NDFIP1: variants seen among roughly 807,000 people sequenced by gnomAD.
NDFIP1 encodes the protein Nedd4 family interacting protein 1.
A neutral mutation model predicts 28.8 loss-of-function variants in NDFIP1; 7 were observed. The observed-to-expected ratio is 0.24, with a 90% CI of 0.14 to 0.46. The LOEUF is 0.46. Ranked by LOEUF, NDFIP1 falls within the 20% of genes least tolerant of loss-of-function variation. NDFIP1 has a pLI of 0.99. For missense variants in NDFIP1, 194 were observed against 269.1 expected (o/e 0.72, Z 1.95); for synonymous variants, 92 against 101.0 (o/e 0.91, Z 0.53).
Position 142,152,347 on chromosome 5 carries a change from C to T in NDFIP1, c.*619C>T, listed in dbSNP as rs1757455346. The T allele has an allele frequency of 2.0e-5, 3 of 152,284 alleles. No homozygotes were observed. Among genetic ancestry groups the T allele is most frequent in the Admixed American group, 6.5e-5 (1 of 15,268 alleles). The allele number at this position is 152,284 out of a possible 1,614,324, so 9.4% of individuals were successfully genotyped here. A position where few individuals can be genotyped will look rare whatever the true frequency, so the allele number is the denominator to read the frequency against. On this transcript the variant is annotated 3_prime_UTR_variant, in exon 8 of 8. Coordinates refer to ENST00000253814, the MANE Select transcript of NDFIP1 (RefSeq NM_030571.4). ...GCATTAATTTTTTATAGCCTGTATT[C>T]ACAATTCTGCGGTACCTTATTGTAC...
intron 1 of NDFIP1, among the ~76,000 whole-genome samples, chr5:142,116,150 T>C (rs10875596): frequency 0.67 from 102,272 of 151,948 alleles, 34,753 homozygotes; most frequent in African/African-American, 0.77. Context: ...CAAGTGTAAC[T>C]TGATATCACT....
At chr5:142,118,469 G>A (rs899549409) in intron 1 of NDFIP1, among the ~76,000 whole-genome samples, 1 of 152,170 alleles carries the variant, frequency 6.6e-6, no homozygotes, top group Non-Finnish European at 1.5e-5. Context: ...AAGACCACAG[G>A]TAAAGTGCTG....
chr5:142,125,125 A>G (rs1757158277), intron 1 of NDFIP1, among the ~76,000 whole-genome samples: 1 of 151,852 alleles, frequency 6.6e-6, no homozygotes, highest in Non-Finnish European at 1.5e-5. Context: ...CTTGTACTGT[A>G]ATGTTTTTAA....
chr5:142,113,418 A>G (rs1757035240), intron 1 of NDFIP1, among the ~76,000 whole-genome samples: 1 of 152,360 alleles, frequency 6.6e-6, no homozygotes, highest in East Asian at 1.9e-4. Flanking sequence ...AAGAAGTTAT[A>G]TCACAGAATG....
Position 142,153,396 on chromosome 5 carries a change from A to G in NDFIP1, c.*1668A>G, listed in dbSNP as rs1240346399. On this transcript the variant is annotated 3_prime_UTR_variant, in exon 8 of 8. Transcript: ENST00000253814. The stretch of plus-strand genomic sequence containing the variant: ...CTGCTGTGTATGTATATCCAGAATC[A>G]GCATAGGAAGTCGTTCAGGATATCA... 1 of 457,036 alleles carries G rather than the reference A, an allele frequency of 2.2e-6. No homozygotes were observed. 28.3% of individuals were successfully genotyped at this position (457,036 alleles called of 1,614,324 possible).
intron 1 of NDFIP1, among the ~76,000 whole-genome samples, chr5:142,125,844 C>T (rs942432090): frequency 1.3e-5 from 2 of 152,164 alleles, no homozygotes; most frequent in Admixed American, 6.6e-5. Flanking sequence ...TTTTGATTTG[C>T]GTTTTCCTGC....
At position 142,123,038 on chromosome 5, in the gene NDFIP1, C is replaced by T. The variant is rs181079327; in HGVS notation, c.64-8770C>T. Among the ~76,000 whole-genome samples the T allele has an allele frequency of 1.8e-3, 281 of 152,262 alleles. 2 individuals are homozygous for T. Among genetic ancestry groups the T allele is most frequent in the Middle Eastern group, 0.01 (3 of 294 alleles). On this transcript the variant is annotated intron_variant, in intron 1 of 7. Coordinates refer to ENST00000253814, the MANE Select transcript of NDFIP1 (RefSeq NM_030571.4). ...AGTGCAGTGGGGTAATCTCGGCTCACTGCAACCTCTACCTCCCAGGTTGCA... is the reference window on the plus strand; with the variant it reads ...AGTGCAGTGGGGTAATCTCGGCTCATTGCAACCTCTACCTCCCAGGTTGCA...
At chr5:142,144,327 C>T in intron 6 of NDFIP1, 1 of 271,510 alleles carries the variant, frequency 3.7e-6, no homozygotes, top group Admixed American at 5.0e-5. Flanking sequence ...TTTTTTATTT[C>T]CTTTTTAGAC....
At chr5:142,118,337 T>A (rs1449680549) in intron 1 of NDFIP1, among the ~76,000 whole-genome samples, 1 of 152,212 alleles carries the variant, frequency 6.6e-6, no homozygotes, top group Admixed American at 6.5e-5. Context: ...TCTCAAACTT[T>A]CCTTGTTTTT....
intron 1 of NDFIP1, among the ~76,000 whole-genome samples, chr5:142,116,682 T>A (rs1226781863): frequency 6.6e-6 from 1 of 151,924 alleles, no homozygotes; most frequent in African/African-American, 2.4e-5. Context: ...GTATTTTTCT[T>A]TTCTCTTCTC....
At chr5:142,140,439 A>G in intron 5 of NDFIP1, 124 bp from the exon 6 acceptor site, 1 of 729,164 alleles carries the variant, frequency 1.4e-6, no homozygotes, top group Non-Finnish European at 2.1e-6. Flanking sequence ...CAAGAGCGAA[A>G]CTCCGTCTCA....
In NDFIP1 at chr5:142,153,603, T is replaced by C. The variant is rs527302040; in HGVS notation, c.*1875T>C. 2 of 301,550 alleles carry C rather than the reference T, an allele frequency of 6.6e-6. No homozygotes were observed. Among genetic ancestry groups the C allele is most frequent in the South Asian group, 6.0e-5 (2 of 33,480 alleles). 18.7% of individuals were successfully genotyped at this position (301,550 alleles called of 1,614,324 possible). ...GAAGGGAGTTTTATGGAAGTTTCTTTGAAGATTTTTTTTTTTCCATTTCGA... is the reference window on the plus strand; with the variant it reads ...GAAGGGAGTTTTATGGAAGTTTCTTCGAAGATTTTTTTTTTTCCATTTCGA... On this transcript the variant is annotated 3_prime_UTR_variant, in exon 8 of 8. Coordinates refer to ENST00000253814, the MANE Select transcript of NDFIP1 (RefSeq NM_030571.4).
chr5:142,130,707 A>AG (rs968136580), intron 1 of NDFIP1, among the ~76,000 whole-genome samples: 2 of 151,842 alleles, frequency 1.3e-5, no homozygotes, highest in Admixed American at 1.3e-4. Context: ...AAAAAAAAAA[A>AG]AGTATGCAAG....
intron 1 of NDFIP1, among the ~76,000 whole-genome samples, chr5:142,130,959 A>AT (rs1170984627): frequency 0.02 from 2,993 of 146,316 alleles, 75 homozygotes; most frequent in African/African-American, 0.064. Context: ...ATGAAATTTA[A>AT]TTTTTTTTTT....
chr5:142,127,308 C>T (rs1268073949), intron 1 of NDFIP1, among the ~76,000 whole-genome samples: 1 of 152,086 alleles, frequency 6.6e-6, no homozygotes. Context: ...GACTTGAGAA[C>T]AAAACCTTAG....
chr5:142,147,366 G>A (rs1305275640), intron 7 of NDFIP1, among the ~76,000 whole-genome samples: 1 of 152,138 alleles, frequency 6.6e-6, no homozygotes, highest in Non-Finnish European at 1.5e-5. Flanking sequence ...AGGACATTTA[G>A]TTTAATTTTG....
rs1350871096 is a variant in NDFIP1, at chr5:142,153,837, C to G, written c.*2109C>G. On this transcript the variant is annotated 3_prime_UTR_variant, in exon 8 of 8. Coordinates refer to ENST00000253814, the MANE Select transcript of NDFIP1 (RefSeq NM_030571.4). ...TAGCTTTGTGTTTATTCTTCAGGTC[C>G]TTGCGCCTTATTTGGTTTTGTATAT... 1 of 154,000 alleles carries G rather than the reference C, an allele frequency of 6.5e-6. No homozygotes were observed. The highest frequency in any genetic ancestry group is 2.4e-5 in the African/African-American group (1 of 41,440). 9.5% of individuals were successfully genotyped at this position (154,000 alleles called of 1,614,324 possible). A position where few individuals can be genotyped will look rare whatever the true frequency, so the allele number is the denominator to read the frequency against.
intron 7 of NDFIP1, among the ~76,000 whole-genome samples, chr5:142,146,585 A>G (rs1463403232): frequency 6.6e-6 from 1 of 152,226 alleles, no homozygotes; most frequent in Non-Finnish European, 1.5e-5. Flanking sequence ...CACCCAAGAT[A>G]TACTGAGGGG....
chr5:142,119,321 A>G (rs746831307), intron 1 of NDFIP1, among the ~76,000 whole-genome samples: 1 of 152,100 alleles, frequency 6.6e-6, no homozygotes, highest in Non-Finnish European at 1.5e-5. Flanking sequence ...ATTAACCCAC[A>G]CCCCTGTGGG....
Sources: gnomAD v4.1 joint callset for allele counts (sites outside exome capture counted in the v4.1 genomes callset) on GRCh38, gnomAD v4.1.1 for gene constraint, MANE v1.5 for transcripts, NCBI Gene and HGNC (gene_info 2026-07-23, HGNC 2026-07-21) for gene names.